SFMBT2: variants seen among roughly 807,000 people sequenced by gnomAD.
The protein encoded by SFMBT2 is Scm like with four mbt domains 2.
Under a neutral mutation model 110.1 loss-of-function variants are expected in SFMBT2, and 38 were observed. The observed-to-expected ratio is 0.35, with a 90% CI of 0.27 to 0.45. The LOEUF (loss-of-function observed/expected upper bound fraction) is 0.45, where lower values mean the gene tolerates loss of function less well. Ranked by LOEUF, SFMBT2 falls within the 20% of genes least tolerant of loss-of-function variation. SFMBT2 has a pLI of 1.00. For synonymous variants in SFMBT2, 425 were observed against 425.4 expected, an observed-to-expected ratio of 1.00 and a Z score of 0.01; for missense variants, 1,011 against 1,094.9, an observed-to-expected ratio of 0.92 and a Z score of 1.08.
chr10:7,245,835 C>CG (rs1840589889), intron 8 of SFMBT2, among the ~76,000 whole-genome samples: 2 of 152,260 alleles, frequency 1.3e-5, no homozygotes, highest in East Asian at 3.9e-4. Flanking sequence ...GTTGTAACAT[C>CG]GTTTACATAT....
chr10:7,401,675 T>G (rs567669381), intron 1 of SFMBT2, among the ~76,000 whole-genome samples: 1 of 152,230 alleles, frequency 6.6e-6, no homozygotes, highest in South Asian at 2.1e-4. Context: ...CTGATCTTCC[T>G]CCCCAAAACC....
At chr10:7,308,699 G>A (rs771837293) in intron 4 of SFMBT2, among the ~76,000 whole-genome samples, 17 of 152,150 alleles carry the variant, frequency 1.1e-4, no homozygotes, top group African/African-American at 3.6e-4. Context: ...GGTGATCAGC[G>A]GCTATTACTT....
At chr10:7,325,925 T>G (rs568665353) in intron 4 of SFMBT2, among the ~76,000 whole-genome samples, 1 of 152,318 alleles carries the variant, frequency 6.6e-6, no homozygotes, top group South Asian at 2.1e-4. Context: ...ATAAATATGT[T>G]AAAAATTAAA....
rs151041437 is a variant in SFMBT2, at chr10:7,291,916, G to A, written c.437-5962C>T. On this transcript the variant is annotated intron_variant, in intron 4 of 20. Transcript: ENST00000397167. ...GGAACCCTGTGATTTTCAGCCCCAC[G>A]TGGGACTCCTACCCACCCAGCATTC... Among the ~76,000 whole-genome samples, 802 of 152,202 alleles carry A rather than the reference G, an allele frequency of 5.3e-3. 5 individuals are homozygous for A. Among genetic ancestry groups the A allele is most frequent in the Non-Finnish European group, 5.9e-3 (403 of 68,004 alleles).
chr10:7,231,996 C>T (rs1840119744), intron 9 of SFMBT2, among the ~76,000 whole-genome samples: 1 of 152,076 alleles, frequency 6.6e-6, no homozygotes, highest in African/African-American at 2.4e-5. Context: ...CAGGAAAACA[C>T]ATTTTAAACC....
intron 2 of SFMBT2, among the ~76,000 whole-genome samples, chr10:7,379,047 G>T (rs1203294745): frequency 6.6e-6 from 1 of 152,100 alleles, no homozygotes; most frequent in Non-Finnish European, 1.5e-5. Context: ...ATGCCAGTGG[G>T]CTGTTGAATG....
chr10:7,257,712 T>C (rs1244721469), intron 7 of SFMBT2, among the ~76,000 whole-genome samples: 1 of 152,216 alleles, frequency 6.6e-6, no homozygotes, highest in Non-Finnish European at 1.5e-5. Context: ...AAGCTTATGC[T>C]TTTAAAATGT....
Position 7,172,586 on chromosome 10 carries a change from T to C in SFMBT2, c.2060A>G (p.Lys687Arg). 1.2e-6 allele frequency: 2 copies of C among 1,614,182 alleles called. No homozygotes were observed. Among genetic ancestry groups the C allele is most frequent in the Non-Finnish European group, 1.7e-6 (2 of 1,180,024 alleles). ...CCGTCGCTTCCTCCGCCTGGCGGGT[T>C]TGGGGTGTCCGCTGTCGGGGTTGCT... ...GESNPDSGHP[K>R]PARRRKRRKS... Residue 687 changes from lysine (K) to arginine (R), a missense_variant, in exon 18 of 21, where the codon AAA becomes AGA. Transcript: ENST00000397167. This position sits in a 1 kb window ranked among gnomAD's most constrained non-coding sequence, Gnocchi z 4.6.
intron 4 of SFMBT2, among the ~76,000 whole-genome samples, chr10:7,334,367 T>C (rs1843653968): frequency 6.6e-6 from 1 of 152,098 alleles, no homozygotes; most frequent in Admixed American, 6.5e-5. Flanking sequence ...CTGCCTTCCG[T>C]GTCTAAGAGG....
In SFMBT2 at chr10:7,276,995, T is replaced by C. The variant is rs200031511; in HGVS notation, c.773-6A>G. 1.6e-4 allele frequency: 136 copies of C among 868,344 alleles called. No homozygotes were observed. The highest frequency in any genetic ancestry group is 9.8e-5 in the Non-Finnish European group (49 of 497,840). 53.8% of individuals were successfully genotyped at this position (868,344 alleles called of 1,614,324 possible). ...CATCTTCAAAGGATAGATTTCTGTA[T>C]CAACAGCAAATCACAGAAGAGTTGA... On this transcript the variant is annotated splice_region_variant and splice_polypyrimidine_tract_variant and intron_variant, in intron 6 of 20. Transcript: ENST00000397167.
At chr10:7,273,445 C>G (rs1327670307) in intron 7 of SFMBT2, among the ~76,000 whole-genome samples, 2 of 152,186 alleles carry the variant, frequency 1.3e-5, no homozygotes, top group Non-Finnish European at 2.9e-5. Flanking sequence ...AAAACAAGAA[C>G]CAACCAACCC....
At chr10:7,228,391 CAAA>C in intron 9 of SFMBT2, 1 of 495,386 alleles carries the variant, frequency 2.0e-6, no homozygotes, top group Non-Finnish European at 2.4e-6. Context: ...AAAAAAAAAA[CAAA>C]ACAGTACCAG....
rs1564461091 is a variant in SFMBT2, at chr10:7,367,419, G to T, written c.436+230C>A. On this transcript the variant is annotated intron_variant, in intron 4 of 20. Coordinates refer to ENST00000397167, the MANE Select transcript of SFMBT2 (RefSeq NM_001387889.1). This position sits in a 1 kb window ranked among gnomAD's most constrained non-coding sequence, Gnocchi z 6.2. The stretch of plus-strand genomic sequence containing the variant: ...AATTTAAGGATTAGGCATACTTTCA[G>T]TTCCGAAAAGCCAAGTTTGGCTCCA... Among the ~76,000 whole-genome samples the T allele has an allele frequency of 6.6e-6, 1 of 151,896 alleles. No homozygotes were observed. Among genetic ancestry groups the T allele is most frequent in the Non-Finnish European group, 1.5e-5 (1 of 68,014 alleles).
intron 7 of SFMBT2, among the ~76,000 whole-genome samples, chr10:7,249,862 G>A (rs537865596): frequency 5.9e-5 from 9 of 152,278 alleles, no homozygotes; most frequent in East Asian, 1.9e-4. Context: ...CAGGGCAGTC[G>A]GCAAAGGTCT....
chr10:7,295,691 A>G (rs929454646), intron 4 of SFMBT2, among the ~76,000 whole-genome samples: 1 of 152,206 alleles, frequency 6.6e-6, no homozygotes, highest in African/African-American at 2.4e-5. Flanking sequence ...TATCACTTTC[A>G]GTGTTCGTTT....
intron 20 of SFMBT2, among the ~76,000 whole-genome samples, chr10:7,167,736 T>C (rs1837734018): frequency 6.6e-6 from 1 of 152,214 alleles, no homozygotes; most frequent in Non-Finnish European, 1.5e-5. Flanking sequence ...CAGTGGGCAA[T>C]GGCTTTTTAT....
intron 4 of SFMBT2, among the ~76,000 whole-genome samples, chr10:7,299,390 GA>G (rs1352265481): frequency 6.6e-6 from 1 of 152,030 alleles, no homozygotes; most frequent in Admixed American, 6.6e-5. Flanking sequence ...ATATTTACAA[GA>G]AAAAAACAAC....
chr10:7,333,941 C>T (rs535489386), intron 4 of SFMBT2, among the ~76,000 whole-genome samples: 1 of 152,280 alleles, frequency 6.6e-6, no homozygotes, highest in African/African-American at 2.4e-5. Context: ...TAAATAAAAT[C>T]TGGGGAAAGC....
chr10:7,210,918 G>A (rs1298512304), intron 11 of SFMBT2, among the ~76,000 whole-genome samples: 2 of 151,842 alleles, frequency 1.3e-5, no homozygotes, highest in Admixed American at 6.6e-5. Flanking sequence ...AGACGAGTAT[G>A]GGGGGGGTGT....
Sources: allele counts gnomAD v4.1 joint callset (sites outside exome capture counted in the v4.1 genomes callset), GRCh38; gene constraint gnomAD v4.1.1; non-coding constraint Gnocchi (gnomAD v3.1); transcripts MANE v1.5; gene names NCBI Gene and HGNC (gene_info 2026-07-23, HGNC 2026-07-21).